The following WDR49 variants were observed in gnomAD, a reference collection of about 807,000 sequenced individuals.
WDR49 encodes the protein cilia- and flagella-associated protein 337.
Under a neutral mutation model 119.5 loss-of-function variants are expected in WDR49, and 107 were observed. The ratio of observed to expected loss-of-function variants is 0.90; its 90% confidence interval spans 0.77 to 1.05. The LOEUF is 1.05. WDR49 is among the 50% of genes least tolerant of loss of function. WDR49 has a pLI of 0.00. For synonymous variants in WDR49, 425 were observed against 418.8 expected (o/e 1.01, Z -0.18); for missense variants, 1,240 against 1,220.5 (o/e 1.02, Z -0.24).
At chr3:167,600,910 G>A (rs1005317284) in intron 7 of WDR49, among the ~76,000 whole-genome samples, 9 of 152,130 alleles carry the variant, frequency 5.9e-5, no homozygotes, top group Non-Finnish European at 1.2e-4. Flanking sequence ...GTGAAGTGGG[G>A]CTAGTAGATG....
At chr3:167,563,980 T>C (rs1046145234) in intron 8 of WDR49, among the ~76,000 whole-genome samples, 13 of 152,250 alleles carry the variant, frequency 8.5e-5, no homozygotes, top group Non-Finnish European at 2.9e-5. Flanking sequence ...AAGACTTGAT[T>C]ACCTGTTCAG....
chr3:167,551,712 A>G (rs1712584328), intron 10 of WDR49, among the ~76,000 whole-genome samples: 1 of 152,022 alleles, frequency 6.6e-6, no homozygotes, highest in Admixed American at 6.6e-5. Context: ...AGATTTTCAT[A>G]TCTATGCTGC....
At chr3:167,596,367 TG>T (rs1336610552) in intron 7 of WDR49, among the ~76,000 whole-genome samples, 1 of 150,002 alleles carries the variant, frequency 6.7e-6, no homozygotes, top group Non-Finnish European at 1.5e-5. Flanking sequence ...ATCCCATTAC[TG>T]GGTATATACC....
Position 167,500,314 on chromosome 3 carries a change from G to A in WDR49, c.2885-15C>T, listed in dbSNP as rs763767542. ...CCTAAATGTACCTTCACAACAGCAG[G>A]TTTTAGAGGAAGACAGGGAGAAAAA... On this transcript the variant is annotated splice_polypyrimidine_tract_variant and intron_variant, in intron 17 of 18. Coordinates refer to ENST00000682715, the MANE Select transcript of WDR49 (RefSeq NM_001366157.1). 2 of 1,604,542 alleles carry A rather than the reference G, an allele frequency of 1.2e-6. No individual in the cohort carries two copies. Among genetic ancestry groups the A allele is most frequent in the East Asian group, 2.2e-5 (1 of 44,460 alleles).
chr3:167,575,245 C>CTCACTGGCT (rs1283675594), intron 8 of WDR49: 1 of 985,848 alleles, frequency 1.0e-6, no homozygotes, highest in Non-Finnish European at 1.2e-6. Context: ...CCACACTGAG[C>CTCACTGGCT]TCACTGGCTT....
chr3:167,614,008 TG>T (rs1316430160), intron 5 of WDR49, among the ~76,000 whole-genome samples: 10 of 152,118 alleles, frequency 6.6e-5, no homozygotes, highest in Non-Finnish European at 1.5e-5. Context: ...CTTCTAGCCC[TG>T]GTCAAAGGGC....
chr3:167,577,822 G>GT (rs1714326785), intron 7 of WDR49, among the ~76,000 whole-genome samples: 1 of 151,980 alleles, frequency 6.6e-6, no homozygotes, highest in African/African-American at 2.4e-5. Context: ...CAACCTTATA[G>GT]TTTTTAACCT....
chr3:167,594,983 C>CA lies in WDR49; in HGVS notation c.1275+7143dup, dbSNP rs1404556176. 1.3e-4 allele frequency among the ~76,000 whole-genome samples: 20 copies of CA among 150,018 alleles called. No individual in the cohort carries two copies. The East Asian group carries it at 3.5e-3, about 26-fold the overall frequency. On this transcript the variant is annotated intron_variant, in intron 7 of 18. Transcript: ENST00000682715. Reference sequence around the variant, plus strand: ...TCTAGAAAACCCCATTGTCTCAGCCCAAAATCTCCTTAAGCTGATAAGCAA... The same window carrying CA: ...TCTAGAAAACCCCATTGTCTCAGCCCAAAAATCTCCTTAAGCTGATAAGCAA...
intron 18 of WDR49, among the ~76,000 whole-genome samples, chr3:167,484,979 G>A (rs1750866574): frequency 6.6e-6 from 1 of 152,142 alleles, no homozygotes; most frequent in Admixed American, 6.6e-5. Flanking sequence ...TAAAGAAAAT[G>A]TGGCACATTT....
intron 8 of WDR49, among the ~76,000 whole-genome samples, chr3:167,570,334 G>C (rs116714238): frequency 0.023 from 3,533 of 152,204 alleles, 92 homozygotes; most frequent in Admixed American, 0.064. Flanking sequence ...CAATTACCAA[G>C]GGAACCACCA....
chr3:167,584,549 G>A (rs547193004), intron 7 of WDR49, among the ~76,000 whole-genome samples: 3 of 152,184 alleles, frequency 2.0e-5, no homozygotes, highest in African/African-American at 7.2e-5. Context: ...ACACAAAAAA[G>A]AGAATGGTTA....
chr3:167,630,350 T>C (rs1559924623), intron 2 of WDR49, among the ~76,000 whole-genome samples: 1 of 152,270 alleles, frequency 6.6e-6, no homozygotes, highest in East Asian at 1.9e-4. Context: ...GTACACTTTT[T>C]TAGATATGTG....
chr3:167,554,638 TCTC>T lies in WDR49; in HGVS notation c.1823+9_1823+11del. 1 of 1,423,264 alleles carries T rather than the reference TCTC, an allele frequency of 7.0e-7. No homozygotes were observed. Among genetic ancestry groups the T allele is most frequent in the Non-Finnish European group, 9.7e-7 (1 of 1,035,188 alleles). The allele number at this position is 1,423,264 out of a possible 1,614,324, so 88.2% of individuals were successfully genotyped here. On this transcript the variant is annotated intron_variant, in intron 10 of 18. Transcript: ENST00000682715. ...TAGATTTTGATTAAAATAAAAACAT[TCTC>T]CTTTTTACCTTCCTATAGTTTTCCA...
chr3:167,578,235 G>A (rs1714348437), intron 7 of WDR49, among the ~76,000 whole-genome samples: 1 of 152,070 alleles, frequency 6.6e-6, no homozygotes, highest in African/African-American at 2.4e-5. Flanking sequence ...CTCTCTAGGG[G>A]AGGGTAGTCA....
intron 3 of WDR49, among the ~76,000 whole-genome samples, chr3:167,622,204 T>C (rs911963713): frequency 2.0e-5 from 3 of 152,018 alleles, no homozygotes; most frequent in Non-Finnish European, 4.4e-5. Flanking sequence ...ATTATATATA[T>C]GTGCAAACAA....
intron 7 of WDR49, among the ~76,000 whole-genome samples, chr3:167,579,440 A>T (rs1714425849): frequency 6.6e-6 from 1 of 152,174 alleles, no homozygotes; most frequent in South Asian, 2.1e-4. Flanking sequence ...GACTTTTTAA[A>T]ATATCTTACA....
At chr3:167,526,105 A>G (rs888343697) in intron 15 of WDR49, among the ~76,000 whole-genome samples, 1 of 152,090 alleles carries the variant, frequency 6.6e-6, no homozygotes, top group Non-Finnish European at 1.5e-5. Flanking sequence ...AATTTGTAAA[A>G]CTGACCCAGC....
Position 167,499,828 on chromosome 3 carries a change from C to A in WDR49, c.3031+325G>T, listed in dbSNP as rs139134295. Among the ~76,000 whole-genome samples, 5 of 152,250 alleles carry A rather than the reference C, an allele frequency of 3.3e-5. No homozygotes were observed. The East Asian group carries it at 9.7e-4, about 29-fold the overall frequency. On this transcript the variant is annotated intron_variant, in intron 18 of 18. Coordinates refer to ENST00000682715, the MANE Select transcript of WDR49 (RefSeq NM_001366157.1). ...TCTAAAGTGGTCTTATGATGGCTTC[C>A]TCCAGCATCAGTTTTGAAAATTAAG...
intron 10 of WDR49, among the ~76,000 whole-genome samples, chr3:167,553,019 G>C (rs76683631): frequency 1.8e-3 from 277 of 152,000 alleles, no homozygotes; most frequent in African/African-American, 6.6e-3. Flanking sequence ...TTGGCTTAAC[G>C]GTCCATCCTC....
Sources: allele counts gnomAD v4.1 joint callset (sites outside exome capture counted in the v4.1 genomes callset), GRCh38; gene constraint gnomAD v4.1.1; transcripts MANE v1.5; gene names NCBI Gene and HGNC (gene_info 2026-07-23, HGNC 2026-07-21).